Variants in IPO8 observed in about 807,000 individuals in gnomAD.
IPO8 encodes the protein importin 8.
IPO8 carries 65 observed loss-of-function variants against 141.2 expected under a neutral mutation model. The observed-to-expected ratio is 0.46, with a 90% confidence interval of 0.38 to 0.57. The LOEUF (loss-of-function observed/expected upper bound fraction) is 0.57, where lower values mean the gene tolerates loss of function less well. Among genes scored for constraint, IPO8 ranks in the 20% least tolerant of loss-of-function variants. The pLI is 0.00. For synonymous variants in IPO8, 411 were observed against 420.3 expected (o/e 0.98, Z 0.27); for missense variants, 980 against 1,246.8 (o/e 0.79, Z 3.22).
chr12:30,660,466 G>C (rs558311103), intron 16 of IPO8, among the ~76,000 whole-genome samples: 3 of 152,252 alleles, frequency 2.0e-5, no homozygotes, highest in East Asian at 3.9e-4. Flanking sequence ...CAACTTACTA[G>C]CTCTGGGACC....
In IPO8 at chr12:30,652,995, A is replaced by T; in HGVS notation, c.2046T>A (p.Phe682Leu). The change falls in exon 18 of 25, where the codon TTT becomes TTA. Residue 682 changes from phenylalanine to leucine, a missense_variant. Around this residue, in one of 3 missense-constraint regions of IPO8, gnomAD observed 924 missense variants for 1,153.9 expected, o/e 0.80. Coordinates refer to ENST00000256079, the MANE Select transcript of IPO8 (RefSeq NM_006390.4). ...WQLLGILYEV[F>L]QQDCFEYFTD... ...TAAAGTATTCAAAGCAATCCTGCTG[A>T]AACACTTCATATAGTATACCTAGAA... 1 of 1,611,540 alleles carries T rather than the reference A, an allele frequency of 6.2e-7. No individual in the cohort carries two copies. The highest frequency in any genetic ancestry group is 8.5e-7 in the Non-Finnish European group (1 of 1,178,680).
chr12:30,632,091 C>T, intron 23 of IPO8, 80 bp from the exon 24 acceptor site: 1 of 896,564 alleles, frequency 1.1e-6, no homozygotes. Flanking sequence ...GATCAAATTA[C>T]AAAGAAATTA....
rs1048190565 is a variant in IPO8, at chr12:30,642,302, G to C, written c.2269-2567C>G. Among the ~76,000 whole-genome samples the C allele has an allele frequency of 4.6e-5, 7 of 152,148 alleles. No individual in the cohort carries two copies. The East Asian group carries it at 1.2e-3, about 25-fold the overall frequency. The stretch of plus-strand genomic sequence containing the variant: ...TCCAAAAGAGGTAAAGGAGAGAATG[G>C]GGCAAGGGTTGAAAAATGATCTGTT... On this transcript the variant is annotated intron_variant, in intron 20 of 24. Coordinates refer to ENST00000256079, the MANE Select transcript of IPO8 (RefSeq NM_006390.4).
chr12:30,641,724 G>C (rs1181934570), intron 20 of IPO8, among the ~76,000 whole-genome samples: 2 of 152,026 alleles, frequency 1.3e-5, no homozygotes, highest in East Asian at 3.9e-4. Context: ...AAAACAAACA[G>C]TAGTAACCAT....
chr12:30,643,850 AT>A, intron 20 of IPO8, among the ~76,000 whole-genome samples: 1 of 152,326 alleles, frequency 6.6e-6, no homozygotes, highest in South Asian at 2.1e-4. Context: ...TTTGGCATGG[AT>A]TTATTCTATA....
At chr12:30,677,167 T>A in intron 5 of IPO8, 2 of 1,085,568 alleles carry the variant, frequency 1.8e-6, no homozygotes, top group Non-Finnish European at 2.6e-6. Context: ...GCTTACACTC[T>A]AACTGGAAAA....
Position 30,634,168 on chromosome 12 carries a change from T to C in IPO8, c.2814A>G (p.Glu938=), listed in dbSNP as rs1464896702. The change falls in exon 23 of 25, where the codon GAA becomes GAG. Residue 938 remains glutamate, a synonymous_variant. Coordinates refer to ENST00000256079, the MANE Select transcript of IPO8 (RefSeq NM_006390.4). ...TACTGAACCCCTCAAGCGCGGTTTC[T>C]TCCAATACTTCTTCATCCCAGTCAT... The part of the protein sequence containing the change: ...EDDDWDEEVL[E]ETALEGFSTP... The C allele has an allele frequency of 1.2e-6, 2 of 1,613,948 alleles. No individual in the cohort carries two copies. Among genetic ancestry groups the C allele is most frequent in the Admixed American group, 1.7e-5 (1 of 59,998 alleles).
intron 17 of IPO8, among the ~76,000 whole-genome samples, 183 bp downstream of exon 17, chr12:30,656,501 T>G (rs769418400): frequency 6.6e-6 from 1 of 152,168 alleles, no homozygotes; most frequent in Non-Finnish European, 1.5e-5. Context: ...GATGTATAAT[T>G]TTTTATCTCT....
Position 30,629,827 on chromosome 12 carries a change from G to C in IPO8, c.*1033C>G, listed in dbSNP as rs1220375462. 1 of 151,998 alleles carries C rather than the reference G, an allele frequency of 6.6e-6. No individual in the cohort carries two copies. The highest frequency in any genetic ancestry group is 1.5e-5 in the Non-Finnish European group (1 of 67,996). 9.4% of individuals were successfully genotyped at this position (151,998 alleles called of 1,614,324 possible). On this transcript the variant is annotated 3_prime_UTR_variant, in exon 25 of 25. Transcript: ENST00000256079. ...ATTCAAATAGGTGAGAAAGCAAGAA[G>C]TTAGATTTGTTTGGGTCTTTTTCCT...
chr12:30,673,469 A>G (rs562733150), intron 8 of IPO8, among the ~76,000 whole-genome samples: 1 of 152,332 alleles, frequency 6.6e-6, no homozygotes, highest in South Asian at 2.1e-4. Context: ...TTTAAACATT[A>G]TGTCAACTTG....
chr12:30,676,649 A>G (rs2053124398), intron 5 of IPO8, 62 bp from the exon 6 acceptor site: 2 of 1,205,132 alleles, frequency 1.7e-6, no homozygotes, highest in Admixed American at 1.7e-5. Context: ...CAGCAATTTT[A>G]TCTATATTGT....
At chr12:30,688,397 T>C in intron 2 of IPO8, 1 of 437,370 alleles carries the variant, frequency 2.3e-6, no homozygotes, top group Non-Finnish European at 4.6e-6. Context: ...ACACTTTAGA[T>C]TGCCCACAAG....
intron 21 of IPO8, among the ~76,000 whole-genome samples, 195 bp downstream of exon 21, chr12:30,639,320 T>C (rs2052546090): frequency 6.6e-6 from 1 of 152,166 alleles, no homozygotes; most frequent in Non-Finnish European, 1.5e-5. Flanking sequence ...CATCAAATTT[T>C]CAGAGGCTGC....
chr12:30,682,074 T>A (rs2053194725), intron 3 of IPO8, among the ~76,000 whole-genome samples: 2 of 152,160 alleles, frequency 1.3e-5, no homozygotes, highest in Admixed American at 6.5e-5. Context: ...TTTAAAAAAA[T>A]TGTTTTAAAT....
At chr12:30,655,026 A>T (rs1380583677) in intron 17 of IPO8, among the ~76,000 whole-genome samples, 1 of 152,168 alleles carries the variant, frequency 6.6e-6, no homozygotes, top group Non-Finnish European at 1.5e-5. Flanking sequence ...ACCTTAAAAA[A>T]AAAAGAAAAT....
intron 2 of IPO8, among the ~76,000 whole-genome samples, chr12:30,687,840 A>G (rs2053257326): frequency 1.3e-5 from 2 of 152,178 alleles, no homozygotes; most frequent in African/African-American, 4.8e-5. Flanking sequence ...GAATTGTTAT[A>G]TCTTCTCCCT....
At chr12:30,694,377 T>C (rs1236746163) in intron 1 of IPO8, among the ~76,000 whole-genome samples, 1 of 152,216 alleles carries the variant, frequency 6.6e-6, no homozygotes, top group East Asian at 1.9e-4. Flanking sequence ...TCACTCTCCC[T>C]TTTATCTCTG....
intron 15 of IPO8, 147 bp from the exon 16 acceptor site, chr12:30,661,413 CTT>C: frequency 1.8e-6 from 1 of 552,044 alleles, no homozygotes; most frequent in East Asian, 3.4e-5. Context: ...AATCATCTCT[CTT>C]CTTAAAATAA....
At chr12:30,671,618 G>A (rs2136160016) in intron 8 of IPO8, among the ~76,000 whole-genome samples, 1 of 143,624 alleles carries the variant, frequency 7.0e-6, no homozygotes, top group African/African-American at 2.6e-5. Context: ...AGCTTGCAGT[G>A]AGCCGAGATC....
Sources: gnomAD v4.1 joint callset for allele counts (sites outside exome capture counted in the v4.1 genomes callset) on GRCh38, gnomAD v4.1.1 for gene constraint, gnomAD v4.1.1 regional missense constraint, MANE v1.5 for transcripts, NCBI Gene and HGNC (gene_info 2026-07-23, HGNC 2026-07-21) for gene names.